Variants in TTC6 observed in about 807,000 individuals in gnomAD.
The protein encoded by TTC6 is tetratricopeptide repeat domain 6.
Under a neutral mutation model 210.4 loss-of-function variants are expected in TTC6, and 172 were observed. The observed-to-expected ratio is 0.82, with a 90% CI of 0.72 to 0.93. TTC6 has a LOEUF of 0.93. Ranked by LOEUF, TTC6 falls within the 40% of genes least tolerant of loss-of-function variation. The pLI is 0.00. For missense variants in TTC6, 2,414 were observed against 2,318.1 expected (o/e 1.04, Z -0.85); for synonymous variants, 804 against 819.6 (o/e 0.98, Z 0.32).
chr14:37,610,991 C>A (rs2095633304), intron 2 of TTC6, among the ~76,000 whole-genome samples: 1 of 152,200 alleles, frequency 6.6e-6, no homozygotes, highest in Non-Finnish European at 1.5e-5. Context: ...GGTTAAGCTC[C>A]GCAAAAGCTG....
At chr14:37,742,458 G>GGA (rs2095923271) in intron 10 of TTC6, among the ~76,000 whole-genome samples, 1 of 151,868 alleles carries the variant, frequency 6.6e-6, no homozygotes, top group African/African-American at 2.4e-5. Context: ...TGCCCAGACT[G>GGA]GAGTGCAATG....
At position 37,682,148 on chromosome 14, in the gene TTC6, A is replaced by T. The variant is rs544602670; in HGVS notation, c.1051-610A>T. On this transcript the variant is annotated intron_variant, in intron 2 of 30. Coordinates refer to ENST00000553443, the Ensembl canonical transcript of TTC6. ...TGAACACACTGCTCCAGTGTGTCGA[A>T]CCACTAATTTTTTTTTTTTTGGTTG... Among the ~76,000 whole-genome samples the T allele has an allele frequency of 7.8e-3, 406 of 51,924 alleles. 2 individuals are homozygous for T. Among genetic ancestry groups the T allele is most frequent in the African/African-American group, 0.03 (394 of 13,026 alleles). The allele number at this position is 51,924 out of a possible 152,430, so 34.1% of individuals were successfully genotyped here. A position where few individuals can be genotyped will look rare whatever the true frequency, so the allele number is the denominator to read the frequency against.
chr14:37,701,371 G>A, exon 5 of TTC6: 1 of 1,518,664 alleles, frequency 6.6e-7, no homozygotes, highest in Non-Finnish European at 8.8e-7. Context: ...TTCATGATCT[G>A]TGCACCACCA....
chr14:37,651,406 TATATATATATATATATATA>T (rs1412970240), intron 1 of TTC6, among the ~76,000 whole-genome samples: 23 of 18,524 alleles, frequency 1.2e-3, no homozygotes, highest in African/African-American at 5.4e-3. Context: ...TATATATATA[TATATATATATATATATATA>T]TTTTTTTTTT....
At chr14:37,830,096 C>T (rs960963535) in intron 29 of TTC6, among the ~76,000 whole-genome samples, 2 of 151,938 alleles carry the variant, frequency 1.3e-5, no homozygotes, top group African/African-American at 2.4e-5. Flanking sequence ...TAGCTGTTTG[C>T]CTGTAGCCTA....
At chr14:37,792,994 C>T (rs2096083976) in intron 17 of TTC6, among the ~76,000 whole-genome samples, 1 of 152,140 alleles carries the variant, frequency 6.6e-6, no homozygotes, top group Non-Finnish European at 1.5e-5. Context: ...AAATCCTCTC[C>T]AATTCCAGCC....
chr14:37,654,679 C>T (rs1595065660), intron 1 of TTC6, among the ~76,000 whole-genome samples: 1 of 152,032 alleles, frequency 6.6e-6, no homozygotes, highest in Non-Finnish European at 1.5e-5. Flanking sequence ...TTAAACGTAG[C>T]CTTAAGAAAA....
intron 1 of TTC6, 127 bp downstream of exon 3, chr14:37,623,130 A>G: frequency 1.6e-6 from 1 of 642,624 alleles, no homozygotes; most frequent in Non-Finnish European, 2.4e-6. Flanking sequence ...ACACAAAAAC[A>G]CTGGGGTGTT....
chr14:37,795,387 A>G (rs982180759), intron 18 of TTC6, 35 bp downstream of exon 20: 1 of 1,387,962 alleles, frequency 7.2e-7, no homozygotes, highest in Non-Finnish European at 9.7e-7. Flanking sequence ...TCTTGGGATA[A>G]CTTAGCATCA....
intron 14 of TTC6, among the ~76,000 whole-genome samples, chr14:37,772,048 T>A (rs2096020765): frequency 6.6e-6 from 1 of 152,130 alleles, no homozygotes; most frequent in African/African-American, 2.4e-5. Flanking sequence ...TGCAGGTCTG[T>A]TGGAGTACCC....
At chr14:37,828,695 G>A (rs1208196082) in intron 29 of TTC6, among the ~76,000 whole-genome samples, 3 of 152,010 alleles carry the variant, frequency 2.0e-5, no homozygotes, top group African/African-American at 4.8e-5. Context: ...AATTTATTGA[G>A]TTTTAATGAA....
intron 1 of TTC6, among the ~76,000 whole-genome samples, chr14:37,669,261 C>T (rs2095753985): frequency 6.6e-6 from 1 of 152,156 alleles, no homozygotes; most frequent in Admixed American, 6.5e-5. Flanking sequence ...CTCATCACTA[C>T]CCCTTGGAAG....
At chr14:37,711,558 C>T (rs1273910201) in intron 5 of TTC6, among the ~76,000 whole-genome samples, 2 of 152,060 alleles carry the variant, frequency 1.3e-5, no homozygotes, top group Non-Finnish European at 2.9e-5. Flanking sequence ...AATCCCAGCA[C>T]ATAAGGCATT....
intron 14 of TTC6, among the ~76,000 whole-genome samples, chr14:37,757,228 T>A (rs912039622): frequency 6.6e-6 from 1 of 151,936 alleles, no homozygotes; most frequent in Non-Finnish European, 1.5e-5. Context: ...TATTTGATTC[T>A]TCTCTTTTCT....
intron 1 of TTC6, among the ~76,000 whole-genome samples, chr14:37,670,358 C>T (rs546042989): frequency 1.4e-4 from 21 of 151,430 alleles, no homozygotes; most frequent in African/African-American, 4.4e-4. Flanking sequence ...AAATACATTT[C>T]GTGATATTTG....
chr14:37,730,844 T>A lies in TTC6; in HGVS notation c.1819-5077T>A, dbSNP rs140863024. 1.8e-4 allele frequency among the ~76,000 whole-genome samples: 27 copies of A among 152,346 alleles called. No homozygotes were observed. The East Asian group carries it at 5.2e-3, about 29-fold the overall frequency. On this transcript the variant is annotated intron_variant, in intron 7 of 30. Coordinates refer to ENST00000553443, the Ensembl canonical transcript of TTC6. ...CCCACTTGGAACTTCTTGGTCTTGT[T>A]TAAAATGAAGACTTAAGTCTTTTTA... is the stretch of plus-strand genomic sequence containing the variant.
chr14:37,691,587 A>G (rs1308946043), intron 3 of TTC6, among the ~76,000 whole-genome samples: 1 of 152,188 alleles, frequency 6.6e-6, no homozygotes, highest in African/African-American at 2.4e-5. Flanking sequence ...CTTACATCAA[A>G]AAAGAGGAAA....
chr14:37,804,704 G>A lies in TTC6; in HGVS notation c.4054G>A (p.Ala1352Thr), dbSNP rs1052770090. The change falls in exon 21 of 31, where the codon GCT becomes ACT. Residue 1352 changes from alanine to threonine, a missense_variant. By Grantham distance (58) the Ala-to-Thr change is moderately conservative. Transcript: ENST00000553443. ...GGAAGCTGTGGAAGTGCTTAAGAAG[G>A]CTTTGGATGCCATTTCTCATTCTGA... 8 of 1,613,918 alleles carry A rather than the reference G, an allele frequency of 5.0e-6. No individual in the cohort carries two copies. In the African/African-American group the frequency reaches 8.0e-5, roughly 16 times the overall value.
intron 1 of TTC6, among the ~76,000 whole-genome samples, chr14:37,676,603 A>G (rs1156384359): frequency 6.6e-6 from 1 of 152,006 alleles, no homozygotes; most frequent in African/African-American, 2.4e-5. Context: ...TTGGTTGCTT[A>G]TGCTTTTGTT....
Sources: gnomAD v4.1 joint callset for allele counts (sites outside exome capture counted in the v4.1 genomes callset) on GRCh38, gnomAD v4.1.1 for gene constraint, MANE v1.5 for transcripts, NCBI Gene and HGNC (gene_info 2026-07-23, HGNC 2026-07-21) for gene names.